NME7: variants seen among roughly 807,000 people sequenced by gnomAD.
NME7 encodes nucleoside diphosphate kinase 7.
Under a neutral mutation model 49.1 loss-of-function variants are expected in NME7, and 41 were observed. That is an observed-to-expected ratio of 0.83 (90% CI 0.65 to 1.08). The LOEUF (loss-of-function observed/expected upper bound fraction) is 1.08, where lower values mean the gene tolerates loss of function less well. NME7 is among the 50% of genes least tolerant of loss of function. The probability of loss-of-function intolerance (pLI) is 0.00; values close to 1 mark genes in which losing one functional copy is unlikely to be tolerated. For missense variants in NME7, 423 were observed against 463.4 expected, an observed-to-expected ratio of 0.91 and a Z score of 0.80; for synonymous variants, 139 against 150.6, an observed-to-expected ratio of 0.92 and a Z score of 0.56.
chr1:169,169,608 G>A, intron 10 of NME7, 54 bp from the exon 11 acceptor site: 1 of 1,464,522 alleles, frequency 6.8e-7, no homozygotes, highest in Middle Eastern at 1.7e-4. Context: ...GTATAAATAA[G>A]AAAAACACTA....
chr1:169,146,530 T>C (rs1658760787), intron 11 of NME7, among the ~76,000 whole-genome samples: 10 of 152,222 alleles, frequency 6.6e-5, no homozygotes, highest in Admixed American at 6.5e-4. Flanking sequence ...CAGTGACCTC[T>C]TCCCAGGGGT....
At chr1:169,281,397 A>G (rs1336946415) in intron 7 of NME7, among the ~76,000 whole-genome samples, 1 of 152,208 alleles carries the variant, frequency 6.6e-6, no homozygotes, top group African/African-American at 2.4e-5. Context: ...GTCATCTGTA[A>G]ACAGAGACAA....
At chr1:169,188,291 TGG>T (rs1038572249) in intron 10 of NME7, among the ~76,000 whole-genome samples, 32 of 152,298 alleles carry the variant, frequency 2.1e-4, no homozygotes, top group African/African-American at 7.2e-4. Context: ...TTTGAATGTG[TGG>T]GTGTTTTATT....
At chr1:169,155,335 C>T (rs1659036728) in intron 11 of NME7, among the ~76,000 whole-genome samples, 1 of 152,152 alleles carries the variant, frequency 6.6e-6, no homozygotes. Context: ...GGCAACAAAG[C>T]AGTGATGAAG....
In NME7 at chr1:169,236,698, C is replaced by T. The variant is rs186782305; in HGVS notation, c.819+925G>A. On this transcript the variant is annotated intron_variant, in intron 8 of 11. Transcript: ENST00000367811. The stretch of plus-strand genomic sequence containing the variant: ...TTCTCATTAGTCTTTAAGTTTTGCT[C>T]AATGACTTTGTAAACTATTTCCCTT... Among the ~76,000 whole-genome samples the T allele has an allele frequency of 5.0e-3, 736 of 148,538 alleles. 5 individuals carry two copies. Among genetic ancestry groups the T allele is most frequent in the Non-Finnish European group, 9.0e-3 (606 of 67,564 alleles).
rs1259076156 is a variant in NME7, at chr1:169,169,476, T to C, written c.1069A>G (p.Thr357Ala). The stretch of plus-strand genomic sequence containing the variant: ...AATAGGCCATCCTCTGGCAGATCAG[T>C]ACAGTGAACAGCATTCTGGATCTTA... ...KTKIQNAVHC[T>A]DLPEDGLLEV... Residue 357 changes from threonine to alanine, a missense_variant, in exon 11 of 12, where the codon ACT becomes GCT. By Grantham distance (58) the Thr-to-Ala change is moderately conservative. Transcript: ENST00000367811. 19 of 1,614,046 alleles carry C rather than the reference T, an allele frequency of 1.2e-5. No homozygotes were observed. In the East Asian group the frequency reaches 4.2e-4, roughly 36 times the overall value.
At position 169,237,692 on chromosome 1, in the gene NME7, A is replaced by T; in HGVS notation, c.755-5T>A. The stretch of plus-strand genomic sequence containing the variant: ...TCAGGATCTTTCCCAACAGTCCTGA[A>T]AATGAAGGACAATGAGTGAAAAAAT... On this transcript the variant is annotated splice_polypyrimidine_tract_variant and splice_region_variant and intron_variant, in intron 7 of 11. Transcript: ENST00000367811. The T allele has an allele frequency of 1.9e-6, 3 of 1,604,280 alleles. No individual in the cohort carries two copies. Among genetic ancestry groups the T allele is most frequent in the Non-Finnish European group, 1.7e-6 (2 of 1,174,044 alleles).
chr1:169,158,374 T>C (rs1367640808), intron 11 of NME7, among the ~76,000 whole-genome samples: 1 of 152,258 alleles, frequency 6.6e-6, no homozygotes, highest in African/African-American at 2.4e-5. Context: ...TTAAAACTTT[T>C]TATTTTTTAA....
At chr1:169,315,108 A>G (rs1651565549) in intron 3 of NME7, among the ~76,000 whole-genome samples, 1 of 152,162 alleles carries the variant, frequency 6.6e-6, no homozygotes, top group African/African-American at 2.4e-5. Flanking sequence ...AAATTTTAAT[A>G]AAACCTTGGC....
At chr1:169,187,728 T>C (rs1211151753) in intron 10 of NME7, among the ~76,000 whole-genome samples, 1 of 152,224 alleles carries the variant, frequency 6.6e-6, no homozygotes, top group Non-Finnish European at 1.5e-5. Flanking sequence ...TGTCTTTTAA[T>C]TGGGGCATTT....
At chr1:169,162,770 T>C (rs1571255177) in intron 11 of NME7, among the ~76,000 whole-genome samples, 2 of 151,840 alleles carry the variant, frequency 1.3e-5, no homozygotes, top group South Asian at 4.2e-4. Flanking sequence ...GCCCAGGAGG[T>C]GAAAGCTGCA....
intron 6 of NME7, among the ~76,000 whole-genome samples, chr1:169,296,197 C>T (rs1283526557): frequency 6.6e-6 from 1 of 152,114 alleles, no homozygotes; most frequent in Non-Finnish European, 1.5e-5. Context: ...CAATTCCCGT[C>T]CCACAATTTT....
intron 10 of NME7, among the ~76,000 whole-genome samples, chr1:169,203,999 G>A (rs1324073934): frequency 6.6e-6 from 1 of 151,906 alleles, no homozygotes; most frequent in Non-Finnish European, 1.5e-5. Context: ...TGGGACTACA[G>A]GTATGCACCA....
intron 11 of NME7, among the ~76,000 whole-genome samples, chr1:169,159,200 C>A (rs572774839): frequency 2.6e-5 from 4 of 152,098 alleles, no homozygotes; most frequent in Non-Finnish European, 5.9e-5. Flanking sequence ...TGCCCTCACT[C>A]TTCTTTCTTT....
Position 169,274,942 on chromosome 1 carries a change from C to T in NME7, c.754+12361G>A, listed in dbSNP as rs1159428083. Among the ~76,000 whole-genome samples, 5 of 132,910 alleles carry T rather than the reference C, an allele frequency of 3.8e-5. 1 individual carries two copies. The highest frequency in any genetic ancestry group is 2.3e-4 in the South Asian group (1 of 4,284). The allele number at this position is 132,910 out of a possible 152,430, so 87.2% of individuals were successfully genotyped here. A position where few individuals can be genotyped will look rare whatever the true frequency, so the allele number is the denominator to read the frequency against. ...TTCTTTTGGCTTAGGATTGAGTTGG[C>T]GATGTGGGCTCTTTTTTGGTTCCAT... On this transcript the variant is annotated intron_variant, in intron 7 of 11. Coordinates refer to ENST00000367811, the MANE Select transcript of NME7 (RefSeq NM_013330.5).
chr1:169,280,249 C>T (rs777365267), intron 7 of NME7, among the ~76,000 whole-genome samples: 1 of 151,542 alleles, frequency 6.6e-6, no homozygotes, highest in South Asian at 2.1e-4. Context: ...CTGTTGGCTG[C>T]ACTTCTTTTG....
intron 10 of NME7, among the ~76,000 whole-genome samples, chr1:169,215,981 T>C (rs774783112): frequency 6.6e-6 from 1 of 152,198 alleles, no homozygotes; most frequent in Non-Finnish European, 1.5e-5. Context: ...GTCAAGGGTA[T>C]AAACTTTCAG....
chr1:169,337,319 G>A (rs953558319), intron 1 of NME7, among the ~76,000 whole-genome samples: 21 of 152,166 alleles, frequency 1.4e-4, no homozygotes, highest in African/African-American at 4.8e-4. Context: ...CTGCTGGCCC[G>A]GGTGCTAAGT....
At chr1:169,364,844 G>T (rs1005796240) in intron 1 of NME7, among the ~76,000 whole-genome samples, 2 of 152,144 alleles carry the variant, frequency 1.3e-5, no homozygotes, top group East Asian at 1.9e-4. Context: ...AGGCCGCAAG[G>T]TTAGGACTAT....
Sources: gnomAD v4.1 joint callset for allele counts (sites outside exome capture counted in the v4.1 genomes callset) on GRCh38, gnomAD v4.1.1 for gene constraint, MANE v1.5 for transcripts, NCBI Gene and HGNC (gene_info 2026-07-23, HGNC 2026-07-21) for gene names.